The following NAV2 variants were observed in gnomAD, a reference collection of about 807,000 sequenced individuals.
NAV2 encodes the protein helicase, APC down-regulated 1.
Under a neutral mutation model 223.2 loss-of-function variants are expected in NAV2, and 54 were observed. The observed-to-expected ratio is 0.24, with a 90% CI of 0.19 to 0.30. The LOEUF is 0.30. Among genes scored for constraint, NAV2 ranks in the 10% least tolerant of loss-of-function variants. The pLI is 1.00. For missense variants in NAV2, 2,806 were observed against 3,147.5 expected, an observed-to-expected ratio of 0.89 and a Z score of 2.60; for synonymous variants, 1,279 against 1,239.3, an observed-to-expected ratio of 1.03 and a Z score of -0.67.
At chr11:20,100,099 CTT>C (rs1429244916) in intron 31 of NAV2, among the ~76,000 whole-genome samples, 1 of 152,172 alleles carries the variant, frequency 6.6e-6, no homozygotes, top group Non-Finnish European at 1.5e-5. Context: ...CTTCAGTTTA[CTT>C]TTTATTAATT....
At chr11:19,654,652 A>G (rs1031934778) in intron 1 of NAV2, among the ~76,000 whole-genome samples, 9 of 152,246 alleles carry the variant, frequency 5.9e-5, no homozygotes, top group South Asian at 2.1e-4. Context: ...AAGGATCCCT[A>G]TTTAATAAAT....
At chr11:19,579,672 G>A (rs567405832) in intron 1 of NAV2, among the ~76,000 whole-genome samples, 1 of 152,338 alleles carries the variant, frequency 6.6e-6, no homozygotes, top group African/African-American at 2.4e-5. Context: ...ATATGTGTTA[G>A]GTATTTAGAG....
At chr11:19,661,410 C>T (rs969495395) in intron 1 of NAV2, among the ~76,000 whole-genome samples, 7 of 152,044 alleles carry the variant, frequency 4.6e-5, no homozygotes, top group Admixed American at 6.6e-5. Flanking sequence ...TGTTGACACT[C>T]GGTTTGATGA....
At chr11:19,790,110 C>A (rs578059395) in intron 1 of NAV2, among the ~76,000 whole-genome samples, 2 of 152,246 alleles carry the variant, frequency 1.3e-5, no homozygotes, top group Non-Finnish European at 2.9e-5. Context: ...ATCTTGTGGG[C>A]GGCTCTCATG....
chr11:19,705,026 A>G (rs1376689162), intron 1 of NAV2, among the ~76,000 whole-genome samples: 14 of 151,444 alleles, frequency 9.2e-5, no homozygotes, highest in African/African-American at 3.4e-4. Flanking sequence ...AAAAAAAAAA[A>G]AAGAAAAGAA....
chr11:19,923,610 T>C (rs1437954339), intron 6 of NAV2, among the ~76,000 whole-genome samples: 1 of 152,220 alleles, frequency 6.6e-6, no homozygotes, highest in Non-Finnish European at 1.5e-5. Context: ...CAGAATTCCT[T>C]AACTAACTCT....
intron 11 of NAV2, among the ~76,000 whole-genome samples, chr11:20,005,253 A>ATATATT (rs1277010848): frequency 1.2e-4 from 16 of 134,554 alleles, no homozygotes; most frequent in African/African-American, 4.2e-4. Flanking sequence ...ATATATATAT[A>ATATATT]TTTTTTTTTT....
At chr11:19,951,073 A>G (rs1372677594) in intron 10 of NAV2, among the ~76,000 whole-genome samples, 2 of 152,188 alleles carry the variant, frequency 1.3e-5, no homozygotes, top group African/African-American at 4.8e-5. Flanking sequence ...TTCACACAGA[A>G]AGGAAGAGGG....
At position 19,917,413 on chromosome 11, in the gene NAV2, G is replaced by A. The variant is rs539002889; in HGVS notation, c.932-15763G>A. Reference sequence around the variant, plus strand: ...GTTCCCTAGCAATTTTCTGCCTTCTGTAAGGCAGTTGCTGTTCTCCTAGGG... The same window carrying A: ...GTTCCCTAGCAATTTTCTGCCTTCTATAAGGCAGTTGCTGTTCTCCTAGGG... On this transcript the variant is annotated intron_variant, in intron 6 of 37. Coordinates refer to ENST00000349880, the MANE Select transcript of NAV2 (RefSeq NM_145117.5). 9.1e-4 allele frequency among the ~76,000 whole-genome samples: 138 copies of A among 152,172 alleles called. 1 individual carries two copies. Among genetic ancestry groups the A allele is most frequent in the Non-Finnish European group, 1.7e-3 (118 of 68,032 alleles).
intron 1 of NAV2, among the ~76,000 whole-genome samples, chr11:19,589,719 C>T (rs1179957694): frequency 6.6e-6 from 1 of 152,176 alleles, no homozygotes; most frequent in Non-Finnish European, 1.5e-5. Context: ...GAATGGGGGC[C>T]TAGAAGCCGA....
At chr11:19,890,020 TCCAATC>T (rs2041362575) in intron 5 of NAV2, among the ~76,000 whole-genome samples, 1 of 152,210 alleles carries the variant, frequency 6.6e-6, no homozygotes, top group African/African-American at 2.4e-5. Flanking sequence ...TATGCCAGTG[TCCAATC>T]CCTTCATGAA....
intron 3 of NAV2, among the ~76,000 whole-genome samples, chr11:19,843,546 A>G (rs574156521): frequency 4.6e-5 from 7 of 152,348 alleles, no homozygotes; most frequent in African/African-American, 1.7e-4. Flanking sequence ...TGTCCTGCAC[A>G]TAATCTTTGA....
intron 1 of NAV2, among the ~76,000 whole-genome samples, chr11:19,643,765 G>A (rs1293804977): frequency 1.3e-5 from 2 of 152,194 alleles, no homozygotes; most frequent in African/African-American, 4.8e-5. Flanking sequence ...GGTTGAACTA[G>A]TTTACAGTCC....
intron 11 of NAV2, among the ~76,000 whole-genome samples, chr11:20,008,202 A>G (rs2053248878): frequency 6.6e-6 from 1 of 152,116 alleles, no homozygotes; most frequent in African/African-American, 2.4e-5. Context: ...CCCCATCTCT[A>G]CTAAAAACAC....
At chr11:19,640,493 T>C (rs1383302926) in intron 1 of NAV2, among the ~76,000 whole-genome samples, 1 of 152,088 alleles carries the variant, frequency 6.6e-6, no homozygotes, top group Non-Finnish European at 1.5e-5. Context: ...TCTTATAGTA[T>C]ACAGGATTTT....
intron 1 of NAV2, among the ~76,000 whole-genome samples, chr11:19,696,992 G>A (rs1271414820): frequency 3.9e-5 from 6 of 152,134 alleles, no homozygotes; most frequent in East Asian, 1.9e-4. Flanking sequence ...TGGTTGAGTC[G>A]CTTGCCCGAG....
chr11:19,620,569 G>A (rs4388871), intron 1 of NAV2, among the ~76,000 whole-genome samples: 144,960 of 152,134 alleles, frequency 0.95, 69,239 homozygotes, highest in Non-Finnish European at 1. Context: ...TTTGTCTGTT[G>A]TTGGTGTATA....
intron 1 of NAV2, among the ~76,000 whole-genome samples, chr11:19,786,584 A>G (rs909410481): frequency 6.6e-6 from 1 of 152,146 alleles, no homozygotes; most frequent in African/African-American, 2.4e-5. Context: ...ACCCCATAAG[A>G]GTACTGATTT....
At chr11:19,919,132 C>G (rs1473613860) in intron 6 of NAV2, among the ~76,000 whole-genome samples, 1 of 152,112 alleles carries the variant, frequency 6.6e-6, no homozygotes, top group Non-Finnish European at 1.5e-5. Flanking sequence ...GGCCAAATAA[C>G]TTTGAGCCCA....
Sources: gnomAD v4.1 joint callset for allele counts (sites outside exome capture counted in the v4.1 genomes callset) on GRCh38, gnomAD v4.1.1 for gene constraint, MANE v1.5 for transcripts, NCBI Gene and HGNC (gene_info 2026-07-23, HGNC 2026-07-21) for gene names.